The following SNTG1 variants were observed in gnomAD, a reference collection of about 807,000 sequenced individuals.
The protein encoded by SNTG1 is syntrophin gamma 1, also known as gamma-1-syntrophin.
SNTG1 carries 39 observed loss-of-function variants against 74.7 expected under a neutral mutation model. The ratio of observed to expected loss-of-function variants is 0.52; its 90% CI spans 0.40 to 0.68. The LOEUF is 0.68. Among genes scored for constraint, SNTG1 ranks in the 30% least tolerant of loss-of-function variants. SNTG1 has a pLI of 0.00. For missense variants in SNTG1, 685 were observed against 609.5 expected, an observed-to-expected ratio of 1.12 and a Z score of -1.30; for synonymous variants, 254 against 217.1, an observed-to-expected ratio of 1.17 and a Z score of -1.49.
At chr8:50,138,300 A>G (rs2081542183) in intron 1 of SNTG1, among the ~76,000 whole-genome samples, 2 of 151,976 alleles carry the variant, frequency 1.3e-5, no homozygotes, top group Admixed American at 6.6e-5. Context: ...GCATGATGCC[A>G]CTGGAAATAT....
At chr8:49,998,011 A>G (rs921859647) in intron 1 of SNTG1, among the ~76,000 whole-genome samples, 1 of 152,200 alleles carries the variant, frequency 6.6e-6, no homozygotes, top group African/African-American at 2.4e-5. Flanking sequence ...GAGATGGTAG[A>G]GCCTACTGTA....
chr8:50,040,831 C>A (rs1818572035), intron 1 of SNTG1, among the ~76,000 whole-genome samples: 1 of 152,066 alleles, frequency 6.6e-6, no homozygotes, highest in Non-Finnish European at 1.5e-5. Flanking sequence ...ATTTTCATGA[C>A]ATTTTTGTTG....
intron 2 of SNTG1, among the ~76,000 whole-genome samples, chr8:50,243,033 A>T (rs1434102041): frequency 6.6e-6 from 1 of 152,108 alleles, no homozygotes; most frequent in Non-Finnish European, 1.5e-5. Flanking sequence ...TTGAATATTG[A>T]CACAAAATAA....
intron 2 of SNTG1, among the ~76,000 whole-genome samples, chr8:50,352,733 A>G (rs1255956029): frequency 6.6e-6 from 1 of 152,172 alleles, no homozygotes; most frequent in Admixed American, 6.5e-5. Flanking sequence ...TAAGACAGCT[A>G]TTAAACATTT....
At chr8:50,677,636 T>C (rs1292039312) in intron 15 of SNTG1, among the ~76,000 whole-genome samples, 20 of 152,038 alleles carry the variant, frequency 1.3e-4, no homozygotes, top group Admixed American at 1.3e-3. Flanking sequence ...TATATGATTG[T>C]AAAACTGTTT....
At chr8:50,254,431 C>T (rs2086784177) in intron 2 of SNTG1, among the ~76,000 whole-genome samples, 2 of 152,084 alleles carry the variant, frequency 1.3e-5, no homozygotes, top group South Asian at 4.1e-4. Context: ...TGTTTTATAG[C>T]CTGAGTTTTA....
chr8:50,126,684 T>C (rs763127549), intron 1 of SNTG1, among the ~76,000 whole-genome samples: 1 of 152,084 alleles, frequency 6.6e-6, no homozygotes, highest in Non-Finnish European at 1.5e-5. Flanking sequence ...GTTGGTGATT[T>C]GTCAAGATCA....
chr8:50,356,445 A>G (rs570409163), intron 2 of SNTG1, among the ~76,000 whole-genome samples: 2 of 152,314 alleles, frequency 1.3e-5, no homozygotes, highest in South Asian at 2.1e-4. Flanking sequence ...CAAATGCTCT[A>G]TACTCTTTGT....
At chr8:49,972,268 G>T (rs1443566484) in intron 1 of SNTG1, among the ~76,000 whole-genome samples, 1 of 152,146 alleles carries the variant, frequency 6.6e-6, no homozygotes, top group African/African-American at 2.4e-5. Flanking sequence ...AATGAGGAAA[G>T]GATTCTCTAT....
intron 13 of SNTG1, among the ~76,000 whole-genome samples, chr8:50,598,019 A>G (rs1443742106): frequency 6.6e-6 from 1 of 150,996 alleles, no homozygotes; most frequent in Non-Finnish European, 1.5e-5. Context: ...GATGAGCAGA[A>G]GTTTTTTGTT....
chr8:50,746,083 A>G (rs1306900728), intron 17 of SNTG1, among the ~76,000 whole-genome samples: 3 of 151,978 alleles, frequency 2.0e-5, no homozygotes, highest in East Asian at 1.9e-4. Context: ...TTTTATTTTT[A>G]TAATTGTTAA....
At chr8:49,980,734 A>G (rs1476817550) in intron 1 of SNTG1, among the ~76,000 whole-genome samples, 4 of 152,016 alleles carry the variant, frequency 2.6e-5, no homozygotes, top group Non-Finnish European at 5.9e-5. Flanking sequence ...TACTTTTGAT[A>G]ATGTGGCTCT....
chr8:50,524,404 T>C (rs1034167806), intron 9 of SNTG1, among the ~76,000 whole-genome samples: 1 of 152,136 alleles, frequency 6.6e-6, no homozygotes, highest in African/African-American at 2.4e-5. Flanking sequence ...CTATTAAAAA[T>C]AAGTCACCTA....
intron 1 of SNTG1, among the ~76,000 whole-genome samples, chr8:50,035,808 C>G (rs180914025): frequency 3.3e-5 from 5 of 152,116 alleles, no homozygotes; most frequent in African/African-American, 9.7e-5. Flanking sequence ...CCGGAACACA[C>G]AAATCCGACA....
intron 17 of SNTG1, among the ~76,000 whole-genome samples, chr8:50,739,660 C>T (rs949469609): frequency 6.6e-6 from 1 of 151,732 alleles, no homozygotes; most frequent in Admixed American, 6.6e-5. Flanking sequence ...GCATGTGTAT[C>T]CCAGAACTTA....
At chr8:50,466,796 C>G (rs142382894) in intron 8 of SNTG1, among the ~76,000 whole-genome samples, 1 of 151,966 alleles carries the variant, frequency 6.6e-6, no homozygotes, top group Non-Finnish European at 1.5e-5. Flanking sequence ...TTATTGTAAA[C>G]AGTATTGTTT....
In SNTG1 at chr8:50,105,213, G is replaced by A. The variant is rs186542593; in HGVS notation, c.-102-67348G>A. ...TCTTGAGTTGATTTATGTATATGGC[G>A]TAAGGAAGGAGTCCAGCTCCTATCT... On this transcript the variant is annotated intron_variant, in intron 1 of 18. Coordinates refer to ENST00000642720, the MANE Select transcript of SNTG1 (RefSeq NM_018967.5). 3.7e-4 allele frequency among the ~76,000 whole-genome samples: 57 copies of A among 152,120 alleles called. No homozygotes were observed. The East Asian group carries it at 4.1e-3, about 11-fold the overall frequency.
chr8:50,795,071 T>C lies in SNTG1; in HGVS notation c.*2242T>C, dbSNP rs1185123818. 1.3e-5 allele frequency: 2 copies of C among 151,894 alleles called. No individual in the cohort carries two copies. Among genetic ancestry groups the C allele is most frequent in the African/African-American group, 2.4e-5 (1 of 41,394 alleles). The allele number at this position is 151,894 out of a possible 1,614,324, so 9.4% of individuals were successfully genotyped here. A position where few individuals can be genotyped will look rare whatever the true frequency, so the allele number is the denominator to read the frequency against. ...TTATATGCATACATGGGTGTATATATATATAAATATAATGAAATGCTGACC... is the reference window on the plus strand; with the variant it reads ...TTATATGCATACATGGGTGTATATACATATAAATATAATGAAATGCTGACC... On this transcript the variant is annotated 3_prime_UTR_variant, in exon 19 of 19. Transcript: ENST00000642720.
At chr8:50,469,445 C>A (rs1009807576) in intron 8 of SNTG1, among the ~76,000 whole-genome samples, 4 of 152,060 alleles carry the variant, frequency 2.6e-5, no homozygotes, top group African/African-American at 9.7e-5. Flanking sequence ...TGAAAACCTT[C>A]CAGAGGCTTC....
Sources: gnomAD v4.1 joint callset for allele counts (sites outside exome capture counted in the v4.1 genomes callset) on GRCh38, gnomAD v4.1.1 for gene constraint, MANE v1.5 for transcripts, NCBI Gene and HGNC (gene_info 2026-07-23, HGNC 2026-07-21) for gene names.